The following MYH13 variants were observed in gnomAD, a reference collection of about 807,000 sequenced individuals.
MYH13 encodes myosin heavy chain 13.
MYH13 carries 177 observed loss-of-function variants against 232.1 expected under a neutral mutation model. That is an observed-to-expected ratio of 0.76 (90% CI 0.67 to 0.86). The LOEUF (loss-of-function observed/expected upper bound fraction) is 0.86, where lower values mean the gene tolerates loss of function less well. MYH13 is among the 40% of genes least tolerant of loss of function. The pLI is 0.00. For synonymous variants in MYH13, 884 were observed against 923.5 expected, an observed-to-expected ratio of 0.96 and a Z score of 0.78; for missense variants, 2,246 against 2,405.9, an observed-to-expected ratio of 0.93 and a Z score of 1.39.
chr17:10,333,255 C>T, intron 18 of MYH13, 64 bp from the exon 19 acceptor site: 1 of 1,119,710 alleles, frequency 8.9e-7, no homozygotes, highest in Non-Finnish European at 1.3e-6. Flanking sequence ...TGGTCTGAGG[C>T]ACCATGAGAC....
chr17:10,322,634 T>G (rs1411294195), intron 23 of MYH13, among the ~76,000 whole-genome samples: 2 of 82,498 alleles, frequency 2.4e-5, no homozygotes, highest in Admixed American at 1.1e-4. Context: ...ACAGTTGTTT[T>G]TTTTTTTTTT....
intron 18 of MYH13, among the ~76,000 whole-genome samples, chr17:10,335,872 G>A (rs2071570492): frequency 1.3e-5 from 2 of 152,282 alleles, no homozygotes; most frequent in African/African-American, 4.8e-5. Flanking sequence ...AGCACCGGGA[G>A]CAGAGAGAAA....
chr17:10,312,830 GAGAA>G, intron 30 of MYH13, 73 bp from the exon 31 acceptor site: 1 of 1,481,468 alleles, frequency 6.8e-7, no homozygotes, highest in Non-Finnish European at 9.1e-7. Context: ...CAGATGGGAA[GAGAA>G]ATGAATAGCG....
At position 10,327,812 on chromosome 17, in the gene MYH13, C is replaced by G. The variant is rs561199119; in HGVS notation, c.2691+54G>C. ...TGATGGCGCCCTCAATGTTCCTCCC[C>G]CTTTTCTGTCCTCCAGAGTCTGTGT... On this transcript the variant is annotated intron_variant, in intron 22 of 40. Transcript: ENST00000252172. 4 of 1,581,996 alleles carry G rather than the reference C, an allele frequency of 2.5e-6. No homozygotes were observed. In the African/African-American group the frequency reaches 5.5e-5, roughly 22 times the overall value.
rs748654105 is a variant in MYH13, at chr17:10,303,528, A to C, written c.5467-30T>G. The C allele has an allele frequency of 7.6e-6, 12 of 1,589,272 alleles. No individual in the cohort carries two copies. In the South Asian group the frequency reaches 1.2e-4, roughly 16 times the overall value. The stretch of plus-strand genomic sequence containing the variant: ...GTAGGATGAAAGGAACACAGAATTC[A>C]AATCTCCTCTCCCAGGCTTCTCTCA... On this transcript the variant is annotated intron_variant, in intron 37 of 40. Transcript: ENST00000252172.
At chr17:10,353,068 A>AT (rs11404251) in intron 11 of MYH13, among the ~76,000 whole-genome samples, 35,614 of 151,940 alleles carry the variant, frequency 0.23, 4,516 homozygotes, top group East Asian at 0.47. Context: ...GCCATTGTGC[A>AT]TATAACACAA....
At chr17:10,338,827 A>G (rs997555771) in intron 18 of MYH13, among the ~76,000 whole-genome samples, 1 of 151,718 alleles carries the variant, frequency 6.6e-6, no homozygotes, top group Non-Finnish European at 1.5e-5. Flanking sequence ...CGGCCTCCCG[A>G]ATAGCTGGGA....
At position 10,318,920 on chromosome 17, in the gene MYH13, C is replaced by G; in HGVS notation, c.3608G>C (p.Ser1203Thr). The G allele has an allele frequency of 6.2e-7, 1 of 1,614,218 alleles. No individual in the cohort carries two copies. Residue 1203 changes from serine (S) to threonine (T), a missense_variant, in exon 27 of 41, where the codon AGT (serine) becomes ACT (threonine). Physicochemically the swap from Ser to Thr is moderately conservative, Grantham distance 58 (BLOSUM62 1). Transcript: ENST00000252172. ...AATCTGCTCCCCAAGCTCGGCCACA[C>G]TATCTGCTTGCTTCTTCCTCAGGGT... is the stretch of plus-strand genomic sequence containing the variant. ...AATLRKKQAD[S>T]VAELGEQIDN...
At position 10,319,101 on chromosome 17, in the gene MYH13, G is replaced by C. The variant is rs1906835616; in HGVS notation, c.3427C>G (p.Leu1143Val). Reference protein sequence around the residue: ...RAKIEKQRSDLARELEEISER... With the variant: ...RAKIEKQRSDVARELEEISER... ...CTGATCTCCTCCAGTTCCCTGGCCA[G>C]ATCTGAGCGCTGCTTCTCAATCTTG... The change falls in exon 27 of 41, where the codon CTG becomes GTG. Residue 1143 changes from leucine to valine, a missense_variant. Physicochemically the swap from Leu to Val is conservative, Grantham distance 32 (BLOSUM62 1). Transcript: ENST00000252172. 2 of 1,614,144 alleles carry C rather than the reference G, an allele frequency of 1.2e-6. No homozygotes were observed. The highest frequency in any genetic ancestry group is 1.7e-6 in the Non-Finnish European group (2 of 1,180,036).
At chr17:10,334,792 T>A (rs1597382084) in intron 18 of MYH13, among the ~76,000 whole-genome samples, 1 of 152,222 alleles carries the variant, frequency 6.6e-6, no homozygotes, top group Non-Finnish European at 1.5e-5. Context: ...GTCAAGAGAA[T>A]CGCTTGAACC....
At chr17:10,356,918 A>C (rs2071753498) in intron 8 of MYH13, among the ~76,000 whole-genome samples, 1 of 152,160 alleles carries the variant, frequency 6.6e-6, no homozygotes, top group East Asian at 1.9e-4. Context: ...AAGTTGAAGG[A>C]TGGCATATAT....
chr17:10,361,989 A>G, intron 5 of MYH13, 129 bp downstream of exon 5: 2 of 1,562,652 alleles, frequency 1.3e-6, no homozygotes, highest in Non-Finnish European at 1.7e-6. Flanking sequence ...TTTGCTTTTC[A>G]TCCCCAAATC....
intron 11 of MYH13, among the ~76,000 whole-genome samples, chr17:10,352,247 A>G (rs747426225): frequency 5.9e-5 from 9 of 152,134 alleles, no homozygotes; most frequent in Non-Finnish European, 1.2e-4. Context: ...GAAGTTACCA[A>G]TCAGTTGACT....
chr17:10,338,128 C>G (rs554227386), intron 18 of MYH13, among the ~76,000 whole-genome samples: 1 of 152,192 alleles, frequency 6.6e-6, no homozygotes, highest in Non-Finnish European at 1.5e-5. Flanking sequence ...CATCCCCCAC[C>G]ACCTTGCAGG....
intron 22 of MYH13, among the ~76,000 whole-genome samples, chr17:10,327,223 G>A (rs1054883484): frequency 6.7e-6 from 1 of 149,394 alleles, no homozygotes; most frequent in Non-Finnish European, 1.5e-5. Flanking sequence ...GGATGGTCTC[G>A]ATCTCCTGAC....
chr17:10,343,753 CAT>C (rs1567667565), intron 16 of MYH13, 45 bp downstream of exon 16: 1 of 1,523,310 alleles, frequency 6.6e-7, no homozygotes, highest in Non-Finnish European at 8.8e-7. Context: ...GGTTAGGAGT[CAT>C]TACATAGAAC....
intron 9 of MYH13, 39 bp from the exon 10 acceptor site, chr17:10,355,032 A>C: frequency 2.5e-6 from 4 of 1,610,762 alleles, no homozygotes; most frequent in Non-Finnish European, 3.4e-6. Flanking sequence ...GGCTCCCAAG[A>C]GATGCTTTTG....
chr17:10,329,468 T>C lies in MYH13; in HGVS notation c.2435+919A>G, dbSNP rs1162176856. Among the ~76,000 whole-genome samples, 3 of 152,230 alleles carry C rather than the reference T, an allele frequency of 2.0e-5. No homozygotes were observed. The East Asian group carries it at 5.8e-4, about 29-fold the overall frequency. On this transcript the variant is annotated intron_variant, in intron 21 of 40. Coordinates refer to ENST00000252172, the MANE Select transcript of MYH13 (RefSeq NM_003802.3). ...GCCTTGCCCCGTCATAGCCTTTGTG[T>C]TCACTCTCCTAGCTGCCAGAGTGAT... is the stretch of plus-strand genomic sequence containing the variant.
In MYH13 at chr17:10,306,461, G is replaced by A. The variant is rs116935297; in HGVS notation, c.5464C>T (p.Arg1822Trp). ...AACAGTCCTCTCAAAAACTCTACCC[G>A]GTTCTCCAGTTTCTGGATCTGCTTC... ...GKKQIQKLEN[R>W]VRELENELDV... The change falls in exon 37 of 41, where the codon CGG (arginine) becomes TGG (tryptophan). Residue 1822 changes from arginine to tryptophan, a missense_variant and splice_region_variant. Coordinates refer to ENST00000252172, the MANE Select transcript of MYH13 (RefSeq NM_003802.3). The surrounding 1 kb of genome is among the most constrained non-coding windows in gnomAD (Gnocchi z 4.3). The A allele has an allele frequency of 0.013, 21,203 of 1,614,032 alleles. 170 individuals carry two copies. Among genetic ancestry groups the A allele is most frequent in the Non-Finnish European group, 0.016 (18,398 of 1,179,990 alleles).
Sources: gnomAD v4.1 joint callset for allele counts (sites outside exome capture counted in the v4.1 genomes callset) on GRCh38, gnomAD v4.1.1 for gene constraint, Gnocchi (gnomAD v3.1) non-coding constraint, MANE v1.5 for transcripts, NCBI Gene and HGNC (gene_info 2026-07-23, HGNC 2026-07-21) for gene names.